Variants in MBD2 observed in about 807,000 individuals in gnomAD.
MBD2 encodes the protein methyl-CpG-binding domain protein 2.
MBD2 carries 9 observed loss-of-function variants against 39.3 expected under a neutral mutation model. That is an observed-to-expected ratio of 0.23 (90% CI 0.14 to 0.40). The LOEUF (loss-of-function observed/expected upper bound fraction) is 0.40. Among genes scored for constraint, MBD2 ranks in the 10% least tolerant of loss-of-function variants. MBD2 has a pLI of 1.00. For missense variants in MBD2, 458 were observed against 532.6 expected (o/e 0.86, Z 1.38); for synonymous variants, 233 against 211.1 (o/e 1.10, Z -0.90).
intron 3 of MBD2, among the ~76,000 whole-genome samples, chr18:54,181,516 T>G (rs1166831099): frequency 6.6e-6 from 1 of 152,224 alleles, no homozygotes; most frequent in African/African-American, 2.4e-5. Context: ...ATTCTTTTTT[T>G]TAAGACGGAT....
At chr18:54,210,588 A>C (rs1412254618) in intron 1 of MBD2, among the ~76,000 whole-genome samples, 1 of 152,216 alleles carries the variant, frequency 6.6e-6, no homozygotes, top group African/African-American at 2.4e-5. Context: ...TTATGAGGCC[A>C]GGGCTCTAAA....
intron 3 of MBD2, among the ~76,000 whole-genome samples, chr18:54,168,876 T>A (rs2086157733): frequency 6.6e-6 from 1 of 152,098 alleles, no homozygotes; most frequent in Admixed American, 6.5e-5. Flanking sequence ...TCTCAGTATG[T>A]TCCTAACTCA....
At chr18:54,167,902 C>T (rs1440852389) in intron 3 of MBD2, among the ~76,000 whole-genome samples, 2 of 149,628 alleles carry the variant, frequency 1.3e-5, no homozygotes, top group Non-Finnish European at 3.0e-5. Flanking sequence ...TTTCTATTTG[C>T]TCTCTGGTGG....
chr18:54,219,875 A>T (rs1036026111), intron 1 of MBD2, among the ~76,000 whole-genome samples: 3 of 152,202 alleles, frequency 2.0e-5, no homozygotes, highest in Admixed American at 6.5e-5. Context: ...ATCTCAGCTC[A>T]CTGCAAGCTC....
chr18:54,223,561 C>A (rs554920972), intron 1 of MBD2, among the ~76,000 whole-genome samples: 2 of 152,312 alleles, frequency 1.3e-5, no homozygotes, highest in South Asian at 2.1e-4. Flanking sequence ...CAAATAGCTG[C>A]TTTATACAAA....
chr18:54,183,992 T>A (rs1335439082), intron 3 of MBD2, among the ~76,000 whole-genome samples: 2 of 152,114 alleles, frequency 1.3e-5, no homozygotes, highest in Non-Finnish European at 2.9e-5. Flanking sequence ...TAAAAGCTAC[T>A]CCCTAGTTAA....
intron 6 of MBD2, among the ~76,000 whole-genome samples, 194 bp downstream of exon 6, chr18:54,159,571 C>T (rs1335150120): frequency 6.6e-6 from 1 of 152,042 alleles, no homozygotes; most frequent in Admixed American, 6.6e-5. Context: ...ACACACAACA[C>T]CACACCCAGT....
At chr18:54,198,098 G>A (rs962268378) in intron 2 of MBD2, among the ~76,000 whole-genome samples, 8 of 152,342 alleles carry the variant, frequency 5.3e-5, no homozygotes, top group African/African-American at 1.9e-4. Context: ...GGAATCCTAC[G>A]AAGGTAGAAG....
At chr18:54,164,473 T>C (rs753102527) in intron 5 of MBD2, 50 bp downstream of exon 5, 3 of 1,546,076 alleles carry the variant, frequency 1.9e-6, no homozygotes, top group East Asian at 2.3e-5. Flanking sequence ...GTAAAAAATT[T>C]ACCCAAACGT....
intron 3 of MBD2, among the ~76,000 whole-genome samples, chr18:54,168,946 G>C (rs1379017677): frequency 6.6e-6 from 1 of 151,886 alleles, no homozygotes; most frequent in East Asian, 1.9e-4. Context: ...GGGGGACGAG[G>C]GCAAGGATTC....
chr18:54,218,984 T>C (rs2086585810), intron 1 of MBD2, among the ~76,000 whole-genome samples: 1 of 149,266 alleles, frequency 6.7e-6, no homozygotes, highest in African/African-American at 2.5e-5. Context: ...AAAAATCCAG[T>C]ATGATAGCTC....
rs147534264 is a variant in MBD2, at chr18:54,215,119, A to G, written c.542+8899T>C. 7.2e-5 allele frequency among the ~76,000 whole-genome samples: 11 copies of G among 152,300 alleles called. No homozygotes were observed. The East Asian group carries it at 1.9e-3, about 27-fold the overall frequency. On this transcript the variant is annotated intron_variant, in intron 1 of 6. Transcript: ENST00000256429. ...AAAAACTTATCCATCCAAGATTAAC[A>G]CAGTAAAGCAAGATACAAGCCCCGA...
chr18:54,203,437 T>C (rs957591731), intron 2 of MBD2, among the ~76,000 whole-genome samples: 1 of 152,188 alleles, frequency 6.6e-6, no homozygotes, highest in Non-Finnish European at 1.5e-5. Context: ...TTTTGCTAAC[T>C]TGGGCTCCCT....
At position 54,224,156 on chromosome 18, in the gene MBD2, C is replaced by G; in HGVS notation, c.404G>C (p.Gly135Ala). 6.9e-7 allele frequency: 1 copy of G among 1,447,366 alleles called. No homozygotes were observed. The highest frequency in any genetic ancestry group is 9.1e-7 in the Non-Finnish European group (1 of 1,098,598). The allele number at this position is 1,447,366 out of a possible 1,614,324, so 89.7% of individuals were successfully genotyped here. A position where few individuals can be genotyped will look rare whatever the true frequency, so the allele number is the denominator to read the frequency against. The change falls in exon 1 of 7, where the codon GGG (glycine) becomes GCG (alanine). Residue 135 changes from glycine to alanine, a missense_variant. Physicochemically the swap from Gly to Ala is moderately conservative, Grantham distance 60. Coordinates refer to ENST00000256429, the MANE Select transcript of MBD2 (RefSeq NM_003927.5). ...GGCCCGGGGTCCCCTGGGCCCCGGC[C>G]CCGCGCTCCCCGACGGGAAAGGGAC... is the stretch of plus-strand genomic sequence containing the variant. ...EPVPFPSGSAGPGPRGPRATE... is the reference protein window; with the variant it reads ...EPVPFPSGSAAPGPRGPRATE...
chr18:54,156,083 G>A (rs537274178), intron 6 of MBD2, among the ~76,000 whole-genome samples: 28 of 152,298 alleles, frequency 1.8e-4, no homozygotes, highest in African/African-American at 5.3e-4. Flanking sequence ...TTATGAGCCC[G>A]TGAAGATGGC....
intron 1 of MBD2, among the ~76,000 whole-genome samples, chr18:54,209,297 CAAAAAAAAA>C (rs34165824): frequency 1.5e-5 from 1 of 67,626 alleles, no homozygotes. Flanking sequence ...ACTCCATCTC[CAAAAAAAAA>C]AAAAAAAAAA....
chr18:54,203,639 A>G (rs1201543303), intron 2 of MBD2, among the ~76,000 whole-genome samples: 3 of 152,238 alleles, frequency 2.0e-5, no homozygotes, highest in African/African-American at 7.2e-5. Context: ...CTCTGTATCA[A>G]TTATCAGGAA....
chr18:54,165,016 C>T (rs540831122), intron 4 of MBD2, among the ~76,000 whole-genome samples: 1 of 152,248 alleles, frequency 6.6e-6, no homozygotes, highest in African/African-American at 2.4e-5. Context: ...TTCCAAGGTA[C>T]TAAACTTTTA....
intron 1 of MBD2, among the ~76,000 whole-genome samples, chr18:54,220,048 G>A (rs1402988627): frequency 2.6e-5 from 4 of 152,062 alleles, no homozygotes; most frequent in African/African-American, 9.7e-5. Context: ...TGATCCACCC[G>A]CCTCAGCCTC....
Sources: allele counts gnomAD v4.1 joint callset (sites outside exome capture counted in the v4.1 genomes callset), GRCh38; gene constraint gnomAD v4.1.1; transcripts MANE v1.5; gene names NCBI Gene and HGNC (gene_info 2026-07-23, HGNC 2026-07-21).